MAN1C1: variants seen among roughly 807,000 people sequenced by gnomAD.
MAN1C1 encodes mannosyl-oligosaccharide 1,2-alpha-mannosidase IC.
Under a neutral mutation model 71.5 loss-of-function variants are expected in MAN1C1, and 49 were observed. The ratio of observed to expected loss-of-function variants is 0.69; its 90% CI spans 0.54 to 0.87. MAN1C1 has a LOEUF of 0.87. Ranked by LOEUF, MAN1C1 falls within the 40% of genes least tolerant of loss-of-function variation. The pLI is 0.00. For missense variants in MAN1C1, 743 were observed against 835.0 expected (o/e 0.89, Z 1.36); for synonymous variants, 352 against 343.7 (o/e 1.02, Z -0.27).
Position 25,778,330 on chromosome 1 carries a change from C to T in MAN1C1, c.1477+6C>T. The T allele has an allele frequency of 6.2e-7, 1 of 1,601,588 alleles. No individual in the cohort carries two copies. Among genetic ancestry groups the T allele is most frequent in the Non-Finnish European group, 8.5e-7 (1 of 1,171,852 alleles). ...CGAGTCATACGCCCGCTCAGGTAAC[C>T]CTGCAAGGGGAAGGGGCAGCAGGAG... On this transcript the variant is annotated splice_donor_region_variant and intron_variant, in intron 9 of 11. Transcript: ENST00000374332. The surrounding 1 kb of genome is among the most constrained non-coding windows in gnomAD (Gnocchi z 5.5).
chr1:25,654,940 G>A (rs1367478617), intron 1 of MAN1C1, among the ~76,000 whole-genome samples: 1 of 152,046 alleles, frequency 6.6e-6, no homozygotes, highest in Non-Finnish European at 1.5e-5. Context: ...CCACCGTGTC[G>A]GGCCTAGGCT....
At chr1:25,659,341 G>C (rs2045814134) in intron 1 of MAN1C1, among the ~76,000 whole-genome samples, 1 of 152,160 alleles carries the variant, frequency 6.6e-6, no homozygotes, top group African/African-American at 2.4e-5. Context: ...TCACCTGGAT[G>C]ACCTCCAGGG....
At chr1:25,736,895 A>T (rs571497522) in intron 2 of MAN1C1, among the ~76,000 whole-genome samples, 2 of 152,362 alleles carry the variant, frequency 1.3e-5, no homozygotes, top group Admixed American at 1.3e-4. Context: ...GCAAGGATGG[A>T]TGAGGCTGAG....
chr1:25,732,701 C>T (rs979518146), intron 2 of MAN1C1, among the ~76,000 whole-genome samples: 3 of 152,152 alleles, frequency 2.0e-5, no homozygotes, highest in Non-Finnish European at 1.5e-5. Flanking sequence ...CAGGACTCAA[C>T]CCATTCTGCT....
intron 8 of MAN1C1, chr1:25,772,474 G>T (rs1022078387): frequency 2.0e-5 from 3 of 152,312 alleles, no homozygotes; most frequent in African/African-American, 7.2e-5. Flanking sequence ...TGGGAAGAGG[G>T]CTAAGGAATC....
At chr1:25,723,805 C>A (rs1427310342) in intron 2 of MAN1C1, among the ~76,000 whole-genome samples, 1 of 152,134 alleles carries the variant, frequency 6.6e-6, no homozygotes, top group African/African-American at 2.4e-5. Flanking sequence ...ATTCAAACAG[C>A]GGGATGTATG....
At chr1:25,632,643 A>G (rs929031414) in intron 1 of MAN1C1, among the ~76,000 whole-genome samples, 6 of 152,074 alleles carry the variant, frequency 3.9e-5, no homozygotes, top group Admixed American at 3.9e-4. Context: ...AGTGCTATAA[A>G]CTTTCCTGTT....
At chr1:25,647,135 G>A (rs2045626314) in intron 1 of MAN1C1, among the ~76,000 whole-genome samples, 1 of 152,192 alleles carries the variant, frequency 6.6e-6, no homozygotes, top group African/African-American at 2.4e-5. Flanking sequence ...GGGTTGCTGG[G>A]ACCAGTGGCA....
rs557711675 is a variant in MAN1C1 at position 25,769,093 on chromosome 1, C to T, written c.1142-2564C>T. On this transcript the variant is annotated intron_variant, in intron 7 of 11. Transcript: ENST00000374332. The surrounding 1 kb of genome is among the most constrained non-coding windows in gnomAD (Gnocchi z 4.8). ...ACACTCCCACACACACACCTATCAC[C>T]CACACTCCCTCCCACACACACACCA... Among the ~76,000 whole-genome samples, 1 of 145,700 alleles carries T rather than the reference C, an allele frequency of 6.9e-6. No individual in the cohort carries two copies. Among genetic ancestry groups the T allele is most frequent in the East Asian group, 2.1e-4 (1 of 4,746 alleles).
intron 1 of MAN1C1, among the ~76,000 whole-genome samples, chr1:25,629,005 C>A (rs1201212089): frequency 6.6e-6 from 1 of 152,180 alleles, no homozygotes; most frequent in East Asian, 1.9e-4. Flanking sequence ...CCAATGGACA[C>A]TTAGGTTGGT....
intron 2 of MAN1C1, among the ~76,000 whole-genome samples, chr1:25,688,617 C>T (rs764286487): frequency 2.0e-5 from 3 of 152,172 alleles, no homozygotes; most frequent in Non-Finnish European, 4.4e-5. Flanking sequence ...CCTGGTGGCG[C>T]ATGCTTGAGC....
At chr1:25,749,624 C>G (rs955063392) in intron 4 of MAN1C1, among the ~76,000 whole-genome samples, 1 of 152,218 alleles carries the variant, frequency 6.6e-6, no homozygotes, top group African/African-American at 2.4e-5. Context: ...ATGGCTCTTC[C>G]TCCTTTACTC....
At chr1:25,639,032 T>C (rs1053100644) in intron 1 of MAN1C1, among the ~76,000 whole-genome samples, 3 of 152,032 alleles carry the variant, frequency 2.0e-5, no homozygotes, top group African/African-American at 7.2e-5. Flanking sequence ...GCTCTGCTCA[T>C]TTTTTTTCTT....
At chr1:25,692,322 C>T (rs1181299941) in intron 2 of MAN1C1, among the ~76,000 whole-genome samples, 1 of 152,128 alleles carries the variant, frequency 6.6e-6, no homozygotes. Context: ...GATTTCGGGC[C>T]CAAGAACCCA....
At chr1:25,713,728 A>G (rs1185612451) in intron 2 of MAN1C1, among the ~76,000 whole-genome samples, 2 of 152,196 alleles carry the variant, frequency 1.3e-5, no homozygotes, top group Non-Finnish European at 2.9e-5. Context: ...GGGTACACAG[A>G]CACATAAATC....
rs759630213 is a variant in MAN1C1, at chr1:25,778,137, CG to C, written c.1296del (p.Leu433Ter). On this transcript the variant is annotated frameshift_variant, in exon 9 of 12. Coordinates refer to ENST00000374332, the MANE Select transcript of MAN1C1 (RefSeq NM_020379.4). LOFTEE classifies it high-confidence loss of function. This position sits in a 1 kb window ranked among gnomAD's most constrained non-coding sequence, Gnocchi z 5.5. ...IETYLLNVSP[G>X]GLTYIAEWRG... The stretch of plus-strand genomic sequence containing the variant: ...AGACCTACTTGCTGAATGTCTCTCC[CG>C]GGGGGCTGACCTACATTGCCGAGTG... The C allele has an allele frequency of 1.9e-6, 3 of 1,590,018 alleles. No homozygotes were observed. Among genetic ancestry groups the C allele is most frequent in the Non-Finnish European group, 1.7e-6 (2 of 1,165,472 alleles).
intron 10 of MAN1C1, among the ~76,000 whole-genome samples, chr1:25,781,696 C>T (rs2047697111): frequency 1.3e-5 from 2 of 152,072 alleles, no homozygotes; most frequent in South Asian, 4.1e-4. Context: ...GCCCCTATCT[C>T]CCCCACCACC....
chr1:25,651,588 A>G (rs757740585), intron 1 of MAN1C1, among the ~76,000 whole-genome samples: 8 of 152,170 alleles, frequency 5.3e-5, no homozygotes, highest in Non-Finnish European at 1.0e-4. Context: ...TCCTTTTCTT[A>G]GAGGAAAATG....
chr1:25,767,836 CTACACACACATTACAT>C (rs2047464417), intron 7 of MAN1C1, among the ~76,000 whole-genome samples: 1 of 119,546 alleles, frequency 8.4e-6, no homozygotes. Context: ...CTCACACACA[CTACACACACATTACAT>C]ACACTCCCCC....
Sources: allele counts gnomAD v4.1 joint callset (sites outside exome capture counted in the v4.1 genomes callset), GRCh38; gene constraint gnomAD v4.1.1; non-coding constraint Gnocchi (gnomAD v3.1); transcripts MANE v1.5; gene names NCBI Gene and HGNC (gene_info 2026-07-23, HGNC 2026-07-21).